Variants in TMEFF2 observed in about 807,000 individuals in gnomAD.
TMEFF2 encodes transmembrane protein with EGF like and two follistatin like domains 2.
A neutral mutation model predicts 53.8 loss-of-function variants in TMEFF2; 28 were observed. That is an observed-to-expected ratio of 0.52 (90% CI 0.39 to 0.71). The LOEUF is 0.71. Among genes scored for constraint, TMEFF2 ranks in the 30% least tolerant of loss-of-function variants. The pLI is 0.00. For synonymous variants in TMEFF2, 162 were observed against 166.3 expected (o/e 0.97, Z 0.20); for missense variants, 353 against 455.2 (o/e 0.78, Z 2.04).
intron 5 of TMEFF2, among the ~76,000 whole-genome samples, chr2:192,027,028 A>C (rs913187799): frequency 6.6e-6 from 1 of 152,240 alleles, no homozygotes; most frequent in Non-Finnish European, 1.5e-5. Flanking sequence ...TTGTATCATT[A>C]ATTTTCTTTT....
intron 4 of TMEFF2, among the ~76,000 whole-genome samples, chr2:192,069,984 GTGTGTATATATATATATATATATATATA>G (rs1559112673): frequency 1.5e-4 from 1 of 6,846 alleles, no homozygotes; most frequent in Non-Finnish European, 3.0e-4. Context: ...GTGTGTGTGT[GTGTGTATATATATATATATATATATATA>G]TATATATATA....
intron 7 of TMEFF2, among the ~76,000 whole-genome samples, chr2:191,983,626 C>A (rs1685908249): frequency 6.6e-6 from 1 of 152,108 alleles, no homozygotes; most frequent in African/African-American, 2.4e-5. Flanking sequence ...TACCCCAGGG[C>A]ATAGGAGCCT....
At chr2:192,008,524 C>A (rs571864431) in intron 5 of TMEFF2, among the ~76,000 whole-genome samples, 2 of 152,270 alleles carry the variant, frequency 1.3e-5, no homozygotes, top group Admixed American at 6.5e-5. Context: ...TGTGCTTGCT[C>A]ATTAAGCTGG....
At chr2:191,964,333 C>CTTCT (rs368928481) in intron 7 of TMEFF2, among the ~76,000 whole-genome samples, 1,393 of 71,368 alleles carry the variant, frequency 0.02, 40 homozygotes, top group East Asian at 0.026. Context: ...CCTTTCTTTC[C>CTTCT]TTCTTTCTTT....
At chr2:192,051,553 A>G (rs1250938310) in intron 5 of TMEFF2, among the ~76,000 whole-genome samples, 1 of 152,182 alleles carries the variant, frequency 6.6e-6, no homozygotes, top group Non-Finnish European at 1.5e-5. Flanking sequence ...TTTTCCTCAG[A>G]GGTGTCTTAA....
At chr2:191,960,246 G>A (rs1487965831) in intron 7 of TMEFF2, among the ~76,000 whole-genome samples, 2 of 152,146 alleles carry the variant, frequency 1.3e-5, no homozygotes, top group Non-Finnish European at 2.9e-5. Context: ...AGATGCACCA[G>A]GTTATTAGTT....
In TMEFF2 at chr2:192,093,883, GA is replaced by G. The variant is rs570464075; in HGVS notation, c.440-36109del. On this transcript the variant is annotated intron_variant, in intron 4 of 9. Transcript: ENST00000272771. ...AAGAAGACAAGACTAGAAATCAAAA[GA>G]AAAAAAAGCGAAGTGAAAGGAAAAG... Among the ~76,000 whole-genome samples the G allele has an allele frequency of 2.7e-4, 41 of 151,640 alleles. 1 individual carries two copies. The East Asian group carries it at 3.7e-3, about 14-fold the overall frequency.
At chr2:192,071,811 C>T (rs754905452) in intron 4 of TMEFF2, among the ~76,000 whole-genome samples, 7 of 151,802 alleles carry the variant, frequency 4.6e-5, no homozygotes, top group Non-Finnish European at 1.0e-4. Context: ...CAACCATCCA[C>T]GTATTTTCAA....
chr2:192,110,437 T>C (rs1182465164), intron 4 of TMEFF2, among the ~76,000 whole-genome samples: 2 of 151,986 alleles, frequency 1.3e-5, no homozygotes, highest in Admixed American at 6.5e-5. Context: ...TAAAGGAAAG[T>C]TTTTGTTGTT....
intron 5 of TMEFF2, among the ~76,000 whole-genome samples, chr2:192,054,581 C>A (rs1482684979): frequency 6.6e-6 from 1 of 152,094 alleles, no homozygotes; most frequent in East Asian, 1.9e-4. Flanking sequence ...GATTAACCCC[C>A]TGCTTGCCTG....
chr2:191,964,398 C>CTTTCTCTTTCTTTCTTTCTTTCTT (rs200251020), intron 7 of TMEFF2, among the ~76,000 whole-genome samples: 1 of 51,748 alleles, frequency 1.9e-5, no homozygotes, highest in Non-Finnish European at 3.7e-5. Context: ...TTCTTTCTTT[C>CTTTCTCTTTCTTTCTTTCTTTCTT]TCTTTCTTTC....
intron 4 of TMEFF2, among the ~76,000 whole-genome samples, chr2:192,092,406 A>T (rs764675567): frequency 6.6e-6 from 1 of 152,192 alleles, no homozygotes; most frequent in African/African-American, 2.4e-5. Context: ...TTAAAATTTT[A>T]AAAAGAAATC....
At chr2:192,028,098 T>C (rs138057966) in intron 5 of TMEFF2, 2,064 of 147,940 alleles carry the variant, frequency 0.014, 65 homozygotes, top group African/African-American at 0.048. Context: ...CTTGTGATAG[T>C]GAATGAGTCT....
At chr2:192,144,715 G>A (rs1371048484) in intron 4 of TMEFF2, among the ~76,000 whole-genome samples, 1 of 152,012 alleles carries the variant, frequency 6.6e-6, no homozygotes, top group Non-Finnish European at 1.5e-5. Context: ...GTGCAGGGTT[G>A]TTTGGCTTTT....
chr2:192,066,295 C>A (rs1200097158), intron 4 of TMEFF2, among the ~76,000 whole-genome samples: 1 of 151,696 alleles, frequency 6.6e-6, no homozygotes, highest in Non-Finnish European at 1.5e-5. Flanking sequence ...GGGAGGAAAT[C>A]CATTATCTTT....
chr2:191,955,600 C>T (rs1692057411), intron 8 of TMEFF2, among the ~76,000 whole-genome samples: 1 of 130,160 alleles, frequency 7.7e-6, no homozygotes, highest in African/African-American at 2.8e-5. Context: ...GATCCTCTCA[C>T]CTTGGCTTCC....
At chr2:192,087,276 A>C (rs2105930958) in intron 4 of TMEFF2, among the ~76,000 whole-genome samples, 1 of 152,192 alleles carries the variant, frequency 6.6e-6, no homozygotes, top group South Asian at 2.1e-4. Context: ...TGCAACACCT[A>C]GTGAAAAAAA....
rs1460129849 is a variant in TMEFF2, at chr2:191,949,126, G to GATTT, written c.*1181_*1184dup. The GATTT allele has an allele frequency of 3.0e-6, 3 of 984,488 alleles. No individual in the cohort carries two copies. The highest frequency in any genetic ancestry group is 3.6e-6 in the Non-Finnish European group (3 of 829,474). 61.0% of individuals were successfully genotyped at this position (984,488 alleles called of 1,614,324 possible). ...TTTGCAGAGCTAAATGATAATAATT[G>GATTT]ATTTATTTTCATCTTATTCCTTGAG... On this transcript the variant is annotated 3_prime_UTR_variant, in exon 10 of 10. Transcript: ENST00000272771.
chr2:192,015,859 C>G (rs569858224), intron 5 of TMEFF2, among the ~76,000 whole-genome samples: 2 of 152,136 alleles, frequency 1.3e-5, no homozygotes, highest in South Asian at 4.1e-4. Context: ...TGTTGTCTCA[C>G]TGTATCATAA....
Sources: allele counts gnomAD v4.1 joint callset (sites outside exome capture counted in the v4.1 genomes callset), GRCh38; gene constraint gnomAD v4.1.1; transcripts MANE v1.5; gene names NCBI Gene and HGNC (gene_info 2026-07-23, HGNC 2026-07-21).